The following MAGI1 variants were observed in gnomAD, a reference collection of about 807,000 sequenced individuals.
The protein encoded by MAGI1 is membrane associated guanylate kinase, WW and PDZ domain containing 1, also known as membrane-associated guanylate kinase, WW and PDZ domain-containing protein 1.
Under a neutral mutation model 139.9 loss-of-function variants are expected in MAGI1, and 58 were observed. The ratio of observed to expected loss-of-function variants is 0.41; its 90% CI spans 0.34 to 0.52. The LOEUF (loss-of-function observed/expected upper bound fraction) is 0.52, where lower values mean the gene tolerates loss of function less well. MAGI1 is among the 20% of genes least tolerant of loss of function. The probability of loss-of-function intolerance (pLI) is 0.12; values close to 1 mark genes in which losing one functional copy is unlikely to be tolerated. For synonymous variants in MAGI1, 812 were observed against 737.9 expected (o/e 1.10, Z -1.63); for missense variants, 1,874 against 1,901.6 (o/e 0.99, Z 0.27).
chr3:66,015,238 C>T (rs550765114), intron 1 of MAGI1, among the ~76,000 whole-genome samples: 1 of 151,300 alleles, frequency 6.6e-6, no homozygotes, highest in South Asian at 2.1e-4. Context: ...ATAATACACA[C>T]GTACTAATTG....
chr3:65,540,061 T>A (rs1287301408), intron 2 of MAGI1, among the ~76,000 whole-genome samples: 1 of 152,220 alleles, frequency 6.6e-6, no homozygotes, highest in Non-Finnish European at 1.5e-5. Flanking sequence ...TCAATGGGAA[T>A]ATTAAACAAC....
chr3:65,920,885 T>C (rs1441100721), intron 1 of MAGI1, among the ~76,000 whole-genome samples: 1 of 151,908 alleles, frequency 6.6e-6, no homozygotes, highest in Admixed American at 6.6e-5. Context: ...AAAAAGTAGC[T>C]GGGCCAGGTG....
intron 1 of MAGI1, among the ~76,000 whole-genome samples, chr3:66,010,177 C>T (rs1415950750): frequency 6.6e-6 from 1 of 150,556 alleles, no homozygotes; most frequent in African/African-American, 2.4e-5. Context: ...TTAAGCAATG[C>T]TAAGCATCAC....
chr3:65,516,858 G>C (rs534983425), intron 2 of MAGI1, among the ~76,000 whole-genome samples: 2 of 147,472 alleles, frequency 1.4e-5, no homozygotes, highest in African/African-American at 2.5e-5. Context: ...CTCCCGAGTA[G>C]CTGGGACTAC....
At position 65,963,313 on chromosome 3, in the gene MAGI1, T is replaced by TAAAAAAAAAAAAAA. The variant is rs760893715; in HGVS notation, c.313+74669_313+74682dup. The stretch of plus-strand genomic sequence containing the variant: ...GTCAACAGAGCGAGACTCTGTCTCT[T>TAAAAAAAAAAAAAA]AAAAAAAAAAAAAAAGTAGCTCGGC... On this transcript the variant is annotated intron_variant, in intron 1 of 22. Coordinates refer to ENST00000402939, the MANE Select transcript of MAGI1 (RefSeq NM_001033057.2). Among the ~76,000 whole-genome samples, 49 of 104,184 alleles carry TAAAAAAAAAAAAAA rather than the reference T, an allele frequency of 4.7e-4. 2 individuals carry two copies. The highest frequency in any genetic ancestry group is 1.8e-3 in the African/African-American group (40 of 22,180). 68.3% of individuals were successfully genotyped at this position (104,184 alleles called of 152,430 possible). A position where few individuals can be genotyped will look rare whatever the true frequency, so the allele number is the denominator to read the frequency against.
chr3:65,675,059 A>T (rs1322079234), intron 1 of MAGI1, among the ~76,000 whole-genome samples: 1 of 152,174 alleles, frequency 6.6e-6, no homozygotes, highest in African/African-American at 2.4e-5. Context: ...AAGGAATCAG[A>T]AATTAGAGGA....
intron 2 of MAGI1, among the ~76,000 whole-genome samples, chr3:65,564,008 C>T (rs867272715): frequency 1.3e-5 from 2 of 152,128 alleles, no homozygotes; most frequent in African/African-American, 4.8e-5. Flanking sequence ...CATGTAATGA[C>T]ATTTAGGCTT....
chr3:65,500,573 C>G (rs182578102), intron 2 of MAGI1, among the ~76,000 whole-genome samples: 1 of 152,338 alleles, frequency 6.6e-6, no homozygotes, highest in Admixed American at 6.5e-5. Flanking sequence ...TCTGCGCTAT[C>G]TTTTTATTCT....
intron 10 of MAGI1, among the ~76,000 whole-genome samples, chr3:65,433,018 GTTTTCT>G (rs1947577943): frequency 6.6e-6 from 1 of 151,882 alleles, no homozygotes; most frequent in Non-Finnish European, 1.5e-5. Flanking sequence ...TATTGCTTTG[GTTTTCT>G]TACTATCCCC....
At chr3:66,017,930 C>A (rs867525519) in intron 1 of MAGI1, among the ~76,000 whole-genome samples, 2 of 152,300 alleles carry the variant, frequency 1.3e-5, no homozygotes, top group South Asian at 4.1e-4. Context: ...TGAGAACCAA[C>A]AAGCTGAGAG....
At chr3:65,539,187 C>A (rs2079094753) in intron 2 of MAGI1, among the ~76,000 whole-genome samples, 1 of 152,026 alleles carries the variant, frequency 6.6e-6, no homozygotes, top group Non-Finnish European at 1.5e-5. Flanking sequence ...ATCAAACAGG[C>A]ACATGTACAA....
intron 1 of MAGI1, among the ~76,000 whole-genome samples, chr3:65,921,919 GAC>G (rs35532734): frequency 0.23 from 32,641 of 140,410 alleles, 3,584 homozygotes; most frequent in Admixed American, 0.31. Flanking sequence ...CCACACACAC[GAC>G]ACACACACAC....
intron 1 of MAGI1, among the ~76,000 whole-genome samples, chr3:65,862,377 C>T (rs935586307): frequency 7.9e-5 from 12 of 152,282 alleles, no homozygotes; most frequent in African/African-American, 2.9e-4. Flanking sequence ...CTTCATTAAT[C>T]TAATTACTCA....
intron 1 of MAGI1, among the ~76,000 whole-genome samples, chr3:65,865,577 C>T (rs111363009): frequency 0.04 from 6,164 of 152,256 alleles, 399 homozygotes; most frequent in African/African-American, 0.13. Context: ...GCCTGGGTGA[C>T]AGAGTGAGAT....
At chr3:65,949,011 G>A (rs2063670569) in intron 1 of MAGI1, among the ~76,000 whole-genome samples, 1 of 152,156 alleles carries the variant, frequency 6.6e-6, no homozygotes, top group South Asian at 2.1e-4. Flanking sequence ...AAAAAGACAG[G>A]CAAAGATGGC....
At chr3:65,994,963 ATT>A (rs1044794722) in intron 1 of MAGI1, among the ~76,000 whole-genome samples, 111 of 152,222 alleles carry the variant, frequency 7.3e-4, no homozygotes, top group African/African-American at 2.5e-3. Flanking sequence ...AAATTAACTC[ATT>A]GTTTCCCTTA....
intron 9 of MAGI1, among the ~76,000 whole-genome samples, chr3:65,439,667 G>C (rs1948109523): frequency 6.6e-6 from 1 of 152,172 alleles, no homozygotes; most frequent in African/African-American, 2.4e-5. Context: ...TTAAAATGGA[G>C]ATTTGAGTGA....
intron 16 of MAGI1, 148 bp from the exon 17 acceptor site, chr3:65,379,702 C>G: frequency 7.5e-7 from 1 of 1,341,742 alleles, no homozygotes; most frequent in Non-Finnish European, 1.0e-6. Flanking sequence ...CCTGGATATA[C>G]GGATTGAAAG....
At chr3:65,717,752 ATTCTGATT>A (rs1230757742) in intron 1 of MAGI1, among the ~76,000 whole-genome samples, 6 of 152,176 alleles carry the variant, frequency 3.9e-5, no homozygotes, top group African/African-American at 9.7e-5. Context: ...CCTTGAGTTG[ATTCTGATT>A]GGTCCAGCTT....
Sources: allele counts gnomAD v4.1 joint callset (sites outside exome capture counted in the v4.1 genomes callset), GRCh38; gene constraint gnomAD v4.1.1; transcripts MANE v1.5; gene names NCBI Gene and HGNC (gene_info 2026-07-23, HGNC 2026-07-21).